SLIT1: variants seen among roughly 807,000 people sequenced by gnomAD.
SLIT1 encodes the protein slit homolog 1 protein.
In SLIT1, 66 loss-of-function variants were observed where a neutral mutation model predicts 186.1. The observed-to-expected ratio is 0.35, with a 90% confidence interval of 0.29 to 0.44. SLIT1 has a LOEUF of 0.44. Ranked by LOEUF, SLIT1 falls within the 20% of genes least tolerant of loss-of-function variation. The probability of loss-of-function intolerance (pLI) is 1.00; values close to 1 mark genes in which losing one functional copy is unlikely to be tolerated. For missense variants in SLIT1, 1,638 were observed against 2,037.4 expected, an observed-to-expected ratio of 0.80 and a Z score of 3.77; for synonymous variants, 761 against 833.8, an observed-to-expected ratio of 0.91 and a Z score of 1.50.
intron 16 of SLIT1, 31 bp downstream of exon 16, chr10:97,047,658 AG>A: frequency 6.9e-7 from 1 of 1,446,186 alleles, no homozygotes; most frequent in East Asian, 2.6e-5. Context: ...AGTTAGGGAC[AG>A]GGGAGGGCTG....
At chr10:97,017,142 AG>A (rs1848460878) in intron 28 of SLIT1, among the ~76,000 whole-genome samples, 3 of 152,174 alleles carry the variant, frequency 2.0e-5, no homozygotes, top group African/African-American at 7.2e-5. Flanking sequence ...TCCCCATCTC[AG>A]GGTGAAGGGG....
At chr10:97,124,783 C>T (rs1215417630) in intron 4 of SLIT1, among the ~76,000 whole-genome samples, 1 of 152,130 alleles carries the variant, frequency 6.6e-6, no homozygotes, top group African/African-American at 2.4e-5. Context: ...AATCACTAAA[C>T]CAGGAGAGGG....
At chr10:97,007,992 G>T (rs527552587) in intron 31 of SLIT1, among the ~76,000 whole-genome samples, 54 of 151,784 alleles carry the variant, frequency 3.6e-4, no homozygotes, top group South Asian at 2.3e-3. Context: ...AAGGAGGGAG[G>T]GAGGGAGGGA....
At chr10:97,131,600 G>C (rs1849655076) in intron 4 of SLIT1, among the ~76,000 whole-genome samples, 1 of 152,218 alleles carries the variant, frequency 6.6e-6, no homozygotes, top group African/African-American at 2.4e-5. Context: ...GAGGCTGTGA[G>C]GTTTCCCAAA....
chr10:97,160,947 C>T (rs571281764), intron 3 of SLIT1, among the ~76,000 whole-genome samples: 1 of 152,298 alleles, frequency 6.6e-6, no homozygotes, highest in East Asian at 1.9e-4. Flanking sequence ...TCTCGAACTC[C>T]TGACCTCAAG....
At chr10:97,038,013 C>T (rs34124168) in intron 21 of SLIT1, among the ~76,000 whole-genome samples, 3,056 of 152,234 alleles carry the variant, frequency 0.02, 51 homozygotes, top group Non-Finnish European at 0.032. Flanking sequence ...GTTCCCTTCT[C>T]GCTTCCCTTC....
chr10:97,095,973 A>G (rs1849284622), intron 4 of SLIT1, among the ~76,000 whole-genome samples: 1 of 152,026 alleles, frequency 6.6e-6, no homozygotes, highest in Admixed American at 6.6e-5. Context: ...AGCCAAGGGC[A>G]CCCTTTGAGT....
At chr10:97,042,820 C>T (rs1410043010) in intron 20 of SLIT1, 81 bp downstream of exon 20, 4 of 1,477,442 alleles carry the variant, frequency 2.7e-6, no homozygotes, top group Non-Finnish European at 3.7e-6. Context: ...TGCCTGTCCA[C>T]TCCCATCTTC....
chr10:97,046,888 A>T, intron 17 of SLIT1, 91 bp from the exon 18 acceptor site: 1 of 1,574,626 alleles, frequency 6.4e-7, no homozygotes, highest in East Asian at 2.2e-5. Flanking sequence ...CCACACACAG[A>T]GTCCTGGCCC....
chr10:97,185,694 G>A lies in SLIT1; in HGVS notation c.-20C>T, dbSNP rs1850404894. The A allele has an allele frequency of 2.7e-6, 4 of 1,480,974 alleles. No homozygotes were observed. The South Asian group carries it at 4.0e-5, about 15-fold the overall frequency. The allele number at this position is 1,480,974 out of a possible 1,614,324, so 91.7% of individuals were successfully genotyped here. A position where few individuals can be genotyped will look rare whatever the true frequency, so the allele number is the denominator to read the frequency against. On this transcript the variant is annotated 5_prime_UTR_variant, in exon 1 of 37. Transcript: ENST00000266058. The stretch of plus-strand genomic sequence containing the variant: ...CGCCATGGTGCCCTCACAGCGTCCC[G>A]CTCGCGAGCCAGACGGCAGCAGCCG...
chr10:97,184,991 C>T lies in SLIT1; in HGVS notation c.197+487G>A, dbSNP rs1043663033. Among the ~76,000 whole-genome samples, 4 of 152,250 alleles carry T rather than the reference C, an allele frequency of 2.6e-5. No individual in the cohort carries two copies. Among genetic ancestry groups the T allele is most frequent in the Admixed American group, 6.5e-5 (1 of 15,288 alleles). On this transcript the variant is annotated intron_variant, in intron 1 of 36. Transcript: ENST00000266058. The surrounding 1 kb of genome is among the most constrained non-coding windows in gnomAD (Gnocchi z 4.4). ...TGGAGAAGAAGGGGCAGACCAGAAACTTCGCCTCCATCCCACCCTGCTGCC... is the reference window on the plus strand; with the variant it reads ...TGGAGAAGAAGGGGCAGACCAGAAATTTCGCCTCCATCCCACCCTGCTGCC...
chr10:97,037,046 CTT>C (rs1161317950), intron 22 of SLIT1, among the ~76,000 whole-genome samples: 3 of 133,490 alleles, frequency 2.2e-5, no homozygotes, highest in African/African-American at 5.6e-5. Context: ...GAATAACCCC[CTT>C]TGTGTGTGTG....
At chr10:97,141,686 C>CTGTATT in intron 4 of SLIT1, among the ~76,000 whole-genome samples, 1 of 148,552 alleles carries the variant, frequency 6.7e-6, no homozygotes, top group African/African-American at 2.6e-5. Context: ...CGTATTGTAT[C>CTGTATT]GTATCGTATC....
intron 1 of SLIT1, among the ~76,000 whole-genome samples, chr10:97,167,658 A>G (rs72821763): frequency 0.013 from 1,960 of 152,304 alleles, 13 homozygotes; most frequent in Middle Eastern, 0.024. Flanking sequence ...AGCCGGCTTG[A>G]TATGGTTTGG....
intron 32 of SLIT1, among the ~76,000 whole-genome samples, chr10:97,005,375 G>A (rs762545718): frequency 5.3e-4 from 80 of 152,338 alleles, no homozygotes; most frequent in Middle Eastern, 3.4e-3. Context: ...TGCTGTAGGA[G>A]CCATGATCAT....
chr10:97,039,816 C>T (rs554446606), intron 21 of SLIT1, among the ~76,000 whole-genome samples, 172 bp downstream of exon 21: 1 of 152,368 alleles, frequency 6.6e-6, no homozygotes, highest in Non-Finnish European at 1.5e-5. Flanking sequence ...AAGCTCAAAG[C>T]CTTTCTGGAG....
chr10:97,043,662 C>T lies in SLIT1; in HGVS notation c.1854-149G>A, dbSNP rs909086322. On this transcript the variant is annotated intron_variant, in intron 18 of 36. Transcript: ENST00000266058. This position sits in a 1 kb window ranked among gnomAD's most constrained non-coding sequence, Gnocchi z 7.0. Reference sequence around the variant, plus strand: ...GCCAGGAACACGCACCAGCCAGGCCCCGGCCAGGTGAGGCGAGTTTTACAC... The same window carrying T: ...GCCAGGAACACGCACCAGCCAGGCCTCGGCCAGGTGAGGCGAGTTTTACAC... 11 of 790,830 alleles carry T rather than the reference C, an allele frequency of 1.4e-5. No homozygotes were observed. Among genetic ancestry groups the T allele is most frequent in the South Asian group, 3.5e-5 (2 of 57,874 alleles). The allele number at this position is 790,830 out of a possible 1,614,324, so 49.0% of individuals were successfully genotyped here. A position where few individuals can be genotyped will look rare whatever the true frequency, so the allele number is the denominator to read the frequency against.
chr10:97,104,775 C>T (rs1223161181), intron 4 of SLIT1, among the ~76,000 whole-genome samples: 1 of 152,198 alleles, frequency 6.6e-6, no homozygotes, highest in East Asian at 1.9e-4. Context: ...TACCCAACGT[C>T]ACAACCCATC....
chr10:97,177,258 T>A (rs1028728312), intron 1 of SLIT1, among the ~76,000 whole-genome samples: 5 of 152,116 alleles, frequency 3.3e-5, no homozygotes, highest in African/African-American at 1.2e-4. Context: ...TCACATAGAT[T>A]TTTAGTGGCA....
Sources: gnomAD v4.1 joint callset for allele counts (sites outside exome capture counted in the v4.1 genomes callset) on GRCh38, gnomAD v4.1.1 for gene constraint, Gnocchi (gnomAD v3.1) non-coding constraint, MANE v1.5 for transcripts, NCBI Gene and HGNC (gene_info 2026-07-23, HGNC 2026-07-21) for gene names.